The following PON3 variants were observed in gnomAD, a reference collection of about 807,000 sequenced individuals.
The protein encoded by PON3 is paraoxonase 3.
PON3 carries 37 observed loss-of-function variants against 36.3 expected under a neutral mutation model. The observed-to-expected ratio is 1.02, with a 90% CI of 0.78 to 1.34. The LOEUF (loss-of-function observed/expected upper bound fraction) is 1.34. Among genes scored for constraint, PON3 ranks in the 40% most tolerant of loss-of-function variants. PON3 has a pLI of 0.00. For synonymous variants in PON3, 155 were observed against 154.8 expected (o/e 1.00, Z -0.01); for missense variants, 415 against 426.5 (o/e 0.97, Z 0.24).
chr7:95,393,866 AAAG>A (rs1298339178), intron 2 of PON3, among the ~76,000 whole-genome samples: 6 of 152,104 alleles, frequency 3.9e-5, no homozygotes, highest in African/African-American at 1.4e-4. Flanking sequence ...AATTTTTTTA[AAAG>A]AAGGTAGGTA....
intron 3 of PON3, chr7:95,377,489 G>A (rs112090439): frequency 0.026 from 8,723 of 335,472 alleles, 736 homozygotes; most frequent in African/African-American, 0.18. Flanking sequence ...TGACACCCAT[G>A]TAGCCTGACT....
intron 4 of PON3, among the ~76,000 whole-genome samples, chr7:95,368,856 C>G (rs1404403691): frequency 6.6e-6 from 1 of 151,660 alleles, no homozygotes; most frequent in Non-Finnish European, 1.5e-5. Context: ...AAACCCACCT[C>G]CACCTCTACC....
chr7:95,375,623 A>T (rs1348438524), intron 3 of PON3, among the ~76,000 whole-genome samples: 3 of 152,206 alleles, frequency 2.0e-5, no homozygotes, highest in Non-Finnish European at 4.4e-5. Flanking sequence ...ATAGCCAGCT[A>T]GTGAAAAGAC....
intron 1 of PON3, 23 bp downstream of exon 1, chr7:95,396,254 C>A: frequency 6.2e-7 from 1 of 1,612,508 alleles, no homozygotes; most frequent in Non-Finnish European, 8.5e-7. Flanking sequence ...GAGTCGAAGA[C>A]GCCCTGTCAA....
chr7:95,381,079 A>AG lies in PON3; in HGVS notation c.202-8742dup, dbSNP rs1233980118. On this transcript the variant is annotated intron_variant, in intron 3 of 8. Coordinates refer to ENST00000265627, the MANE Select transcript of PON3 (RefSeq NM_000940.3). ...TATTAAAGAAAAGAATTTTCAACCC[A>AG]GAATTTCATATCCAGCCAAACTAAG... Among the ~76,000 whole-genome samples the AG allele has an allele frequency of 2.0e-5, 3 of 152,230 alleles. No homozygotes were observed. In the East Asian group the frequency reaches 5.8e-4, roughly 29 times the overall value.
At chr7:95,360,245 T>A in intron 8 of PON3, 114 bp from the exon 9 acceptor site, 1 of 1,006,764 alleles carries the variant, frequency 9.9e-7, no homozygotes, top group Non-Finnish European at 1.6e-6. Flanking sequence ...AGCTAAAATC[T>A]GTATATCTTC....
chr7:95,379,959 G>A (rs947113392), intron 3 of PON3, among the ~76,000 whole-genome samples: 13 of 152,156 alleles, frequency 8.5e-5, no homozygotes, highest in African/African-American at 3.1e-4. Context: ...ACCCCAGTAC[G>A]GGCAGACTGA....
At chr7:95,394,584 G>A in intron 2 of PON3, 60 bp downstream of exon 2, 1 of 1,460,480 alleles carries the variant, frequency 6.8e-7, no homozygotes, top group Non-Finnish European at 9.6e-7. Context: ...GTAGGGCTCA[G>A]TCAGGTGGAT....
At position 95,393,362 on chromosome 7, in the gene PON3, G is replaced by C. The variant is rs17885214; in HGVS notation, c.145+1282C>G. 3.6e-3 allele frequency among the ~76,000 whole-genome samples: 551 copies of C among 152,294 alleles called. 4 individuals carry two copies. The highest frequency in any genetic ancestry group is 0.014 in the Middle Eastern group (4 of 294). On this transcript the variant is annotated intron_variant, in intron 2 of 8. Transcript: ENST00000265627. ...AGCTTCAGAGTGCTGTGAGAGTTCA[G>C]AGGAAGGAGATGAATTTTGCAGCTG...
chr7:95,368,747 G>A (rs1808748876), intron 4 of PON3, among the ~76,000 whole-genome samples: 1 of 150,700 alleles, frequency 6.6e-6, no homozygotes, highest in Non-Finnish European at 1.5e-5. Context: ...CTCAACTTAT[G>A]GAAGCCTGAT....
chr7:95,381,300 A>G (rs1296041878), intron 3 of PON3, among the ~76,000 whole-genome samples: 1 of 152,200 alleles, frequency 6.6e-6, no homozygotes, highest in East Asian at 1.9e-4. Flanking sequence ...TCAACTAATG[A>G]GCAAAATAAC....
At chr7:95,391,976 C>A (rs1342085455) in intron 2 of PON3, among the ~76,000 whole-genome samples, 3 of 152,206 alleles carry the variant, frequency 2.0e-5, no homozygotes, top group Non-Finnish European at 4.4e-5. Context: ...ATAAGCTAAG[C>A]CCATCACCCC....
intron 8 of PON3, among the ~76,000 whole-genome samples, chr7:95,362,082 T>C (rs1200384128): frequency 6.6e-6 from 1 of 152,164 alleles, no homozygotes. Context: ...AGAGACTATC[T>C]CCTGATTGGA....
chr7:95,393,623 C>T (rs923521565), intron 2 of PON3, among the ~76,000 whole-genome samples: 3 of 152,056 alleles, frequency 2.0e-5, no homozygotes, highest in South Asian at 2.1e-4. Context: ...GAGGGACAAG[C>T]GGGGAACAAT....
At chr7:95,390,122 G>A in intron 3 of PON3, 32 bp downstream of exon 3, 1 of 1,567,638 alleles carries the variant, frequency 6.4e-7, no homozygotes, top group Non-Finnish European at 8.8e-7. Flanking sequence ...AGCTATTGAT[G>A]TGAGCATGAG....
chr7:95,390,252 C>T, intron 2 of PON3, 43 bp from the exon 3 acceptor site: 2 of 1,464,998 alleles, frequency 1.4e-6, no homozygotes, highest in Non-Finnish European at 1.9e-6. Flanking sequence ...TATATGAAGG[C>T]TTAAAAAATA....
At chr7:95,385,150 C>T (rs953298026) in intron 3 of PON3, among the ~76,000 whole-genome samples, 2 of 151,812 alleles carry the variant, frequency 1.3e-5, no homozygotes, top group Non-Finnish European at 2.9e-5. Flanking sequence ...GGGAATTGAA[C>T]GATGAGAACA....
At chr7:95,362,631 C>T (rs951566374) in intron 7 of PON3, 129 bp downstream of exon 7, 20 of 1,398,664 alleles carry the variant, frequency 1.4e-5, no homozygotes, top group East Asian at 4.6e-5. Context: ...ATTTTAGAAA[C>T]GCATGCATAA....
chr7:95,393,162 G>C (rs997704553), intron 2 of PON3, among the ~76,000 whole-genome samples: 8 of 152,128 alleles, frequency 5.3e-5, no homozygotes, highest in Admixed American at 1.3e-4. Context: ...TACTTTTTCT[G>C]TATTTTTAAA....
Sources: allele counts gnomAD v4.1 joint callset (sites outside exome capture counted in the v4.1 genomes callset), GRCh38; gene constraint gnomAD v4.1.1; transcripts MANE v1.5; gene names NCBI Gene and HGNC (gene_info 2026-07-23, HGNC 2026-07-21).